LIN54: variants seen among roughly 807,000 people sequenced by gnomAD.
LIN54 encodes lin-54 DREAM MuvB core complex component, also known as protein lin-54 homolog.
In LIN54, 9 loss-of-function variants were observed where a neutral mutation model predicts 78.7. The observed-to-expected ratio is 0.11, with a 90% confidence interval of 0.07 to 0.20. The LOEUF (loss-of-function observed/expected upper bound fraction) is 0.20, where lower values mean the gene tolerates loss of function less well. Among genes scored for constraint, LIN54 ranks in the 10% least tolerant of loss-of-function variants. The pLI is 1.00. For missense variants in LIN54, 573 were observed against 889.9 expected, an observed-to-expected ratio of 0.64 and a Z score of 4.53; for synonymous variants, 269 against 318.4, an observed-to-expected ratio of 0.84 and a Z score of 1.65.
chr4:82,928,256 T>A lies in LIN54; in HGVS notation c.2096A>T (p.Asn699Ile). 6.2e-7 allele frequency: 1 copy of A among 1,614,248 alleles called. No homozygotes were observed. The highest frequency in any genetic ancestry group is 1.1e-5 in the South Asian group (1 of 91,090). ...VTKEVAEATC[N>I]CLLAQAEQAD... ...CTGCTCTGCCTGGGCAAGGAGGCAA[T>A]TACATGTGGCTTCAGCTACTTCCTT... The change falls in exon 13 of 13, where the codon AAT (asparagine) becomes ATT (isoleucine). Residue 699 changes from asparagine (N) to isoleucine (I), a missense_variant. By Grantham distance (149) the Asn-to-Ile change is moderately radical (BLOSUM62 -3). Coordinates refer to ENST00000340417, the MANE Select transcript of LIN54 (RefSeq NM_194282.4).
intron 1 of LIN54, among the ~76,000 whole-genome samples, chr4:83,007,256 A>G (rs1729477923): frequency 6.6e-6 from 1 of 152,204 alleles, no homozygotes; most frequent in Non-Finnish European, 1.5e-5. Context: ...AGGGTTATGT[A>G]CCAAGGGATA....
chr4:82,980,681 C>T (rs1169179842), intron 2 of LIN54, among the ~76,000 whole-genome samples: 2 of 151,916 alleles, frequency 1.3e-5, no homozygotes, highest in African/African-American at 4.8e-5. Context: ...TAGAGAAATA[C>T]AAATTTCTCA....
Position 82,939,979 on chromosome 4 carries a change from A to C in LIN54, c.1169-17T>G, listed in dbSNP as rs766165569. ...CTGGCTTTGCTTTTTAAAAAACAAA[A>C]GAAGGATGAACAAGTTATTTACAGA... On this transcript the variant is annotated splice_polypyrimidine_tract_variant and intron_variant, in intron 5 of 12. Coordinates refer to ENST00000340417, the MANE Select transcript of LIN54 (RefSeq NM_194282.4). 1 of 1,555,552 alleles carries C rather than the reference A, an allele frequency of 6.4e-7. No homozygotes were observed. The highest frequency in any genetic ancestry group is 2.2e-5 in the East Asian group (1 of 44,544).
chr4:82,928,399 C>G, intron 12 of LIN54, 96 bp from the exon 13 acceptor site: 4 of 915,554 alleles, frequency 4.4e-6, no homozygotes, highest in East Asian at 2.5e-5. Context: ...CTGACACTTT[C>G]ACAATTCACC....
chr4:83,012,930 C>A, upstream of LIN54: 2 of 152,714 alleles, frequency 1.3e-5, no homozygotes, highest in South Asian at 3.7e-4. Flanking sequence ...CCGCCGCATC[C>A]CATAATACGC....
rs553196511 is a variant in LIN54, at chr4:82,926,214, AAAGTTT to A, written c.*1882_*1887del. The stretch of plus-strand genomic sequence containing the variant: ...AACACAGAGTATGTACAAAATGAAC[AAAGTTT>A]AAGTTTAGACCAAAAACTTATTGCA... On this transcript the variant is annotated 3_prime_UTR_variant, in exon 13 of 13. Coordinates refer to ENST00000340417, the MANE Select transcript of LIN54 (RefSeq NM_194282.4). 3 of 152,626 alleles carry A rather than the reference AAAGTTT, an allele frequency of 2.0e-5. No homozygotes were observed. The highest frequency in any genetic ancestry group is 6.5e-5 in the Admixed American group (1 of 15,286). The allele number at this position is 152,626 out of a possible 1,614,324, so 9.5% of individuals were successfully genotyped here.
chr4:82,937,059 AAAT>A (rs3972412), intron 9 of LIN54, among the ~76,000 whole-genome samples, 165 bp downstream of exon 9: 26,933 of 152,118 alleles, frequency 0.18, 2,562 homozygotes, highest in South Asian at 0.32. Context: ...TAGATGAATG[AAAT>A]AATATTTTTA....
chr4:83,002,448 G>A (rs1728940701), intron 1 of LIN54, among the ~76,000 whole-genome samples: 1 of 147,354 alleles, frequency 6.8e-6, no homozygotes, highest in Non-Finnish European at 1.5e-5. Context: ...AGGGAGGAGG[G>A]GAGGGAAGGA....
At chr4:82,996,949 T>C (rs1208343476) in intron 1 of LIN54, among the ~76,000 whole-genome samples, 1 of 152,062 alleles carries the variant, frequency 6.6e-6, no homozygotes, top group Non-Finnish European at 1.5e-5. Flanking sequence ...TCTATCCCAT[T>C]ACCCTGGCAT....
upstream of LIN54, among the ~76,000 whole-genome samples, chr4:83,011,284 C>T (rs955081020): frequency 9.2e-5 from 14 of 152,306 alleles, no homozygotes; most frequent in African/African-American, 3.4e-4. Context: ...TATGCATGTT[C>T]GACCTTTGAC....
In LIN54 at chr4:82,936,265, TA is replaced by T. The variant is rs771749201; in HGVS notation, c.1707+13del. On this transcript the variant is annotated intron_variant, in intron 10 of 12. Transcript: ENST00000340417. ...GGATATTTCTGTCAGTTAAATGAAA[TA>T]AAAAATAATCACCTTTATTGCTTTT... 1.3e-6 allele frequency: 2 copies of T among 1,531,028 alleles called. No individual in the cohort carries two copies. Among genetic ancestry groups the T allele is most frequent in the East Asian group, 2.3e-5 (1 of 43,382 alleles). 94.8% of individuals were successfully genotyped at this position (1,531,028 alleles called of 1,614,324 possible).
rs1212909410 is a variant in LIN54, at chr4:82,925,465, G to C, written c.*2637C>G. ...CCCGCCTTGACCTCCCAAAGTGCTGGAATTACAGGCGTGAGCCACCATGCC... is the reference window on the plus strand; with the variant it reads ...CCCGCCTTGACCTCCCAAAGTGCTGCAATTACAGGCGTGAGCCACCATGCC... On this transcript the variant is annotated 3_prime_UTR_variant, in exon 13 of 13. Coordinates refer to ENST00000340417, the MANE Select transcript of LIN54 (RefSeq NM_194282.4). 1 of 152,492 alleles carries C rather than the reference G, an allele frequency of 6.6e-6. No homozygotes were observed. The highest frequency in any genetic ancestry group is 2.4e-5 in the African/African-American group (1 of 41,442). 9.4% of individuals were successfully genotyped at this position (152,492 alleles called of 1,614,324 possible). A position where few individuals can be genotyped will look rare whatever the true frequency, so the allele number is the denominator to read the frequency against.
At chr4:82,968,215 T>A (rs1026710230) in intron 4 of LIN54, among the ~76,000 whole-genome samples, 1 of 152,106 alleles carries the variant, frequency 6.6e-6, no homozygotes, top group African/African-American at 2.4e-5. Context: ...GCTAATTTTG[T>A]ATTTTTTTTG....
At chr4:82,929,587 C>T (rs1051414768) in intron 12 of LIN54, among the ~76,000 whole-genome samples, 2 of 152,014 alleles carry the variant, frequency 1.3e-5, no homozygotes, top group Non-Finnish European at 2.9e-5. Flanking sequence ...GGCAGATCAC[C>T]TGAGGTCAGG....
chr4:83,001,205 C>A (rs1040193645), intron 1 of LIN54, among the ~76,000 whole-genome samples: 1 of 152,054 alleles, frequency 6.6e-6, no homozygotes, highest in African/African-American at 2.4e-5. Context: ...TGAAGAAAAT[C>A]ATGAAATAAA....
rs1429095967 is a variant in LIN54, at chr4:82,928,050, C to T, written c.*52G>A. 1.4e-6 allele frequency: 2 copies of T among 1,480,910 alleles called. No homozygotes were observed. The highest frequency in any genetic ancestry group is 3.4e-5 in the Admixed American group (2 of 59,672). The allele number at this position is 1,480,910 out of a possible 1,614,324, so 91.7% of individuals were successfully genotyped here. A position where few individuals can be genotyped will look rare whatever the true frequency, so the allele number is the denominator to read the frequency against. ...TTTTCTTCCAGAAAATCAAGTGTCC[C>T]TGCACCTTAAATTTTCTGTACAGTT... On this transcript the variant is annotated 3_prime_UTR_variant, in exon 13 of 13. Coordinates refer to ENST00000340417, the MANE Select transcript of LIN54 (RefSeq NM_194282.4).
rs1309320431 is a variant in LIN54 at position 82,924,850 on chromosome 4, G to T, written c.*3252C>A. On this transcript the variant is annotated 3_prime_UTR_variant, in exon 13 of 13. Transcript: ENST00000340417. The stretch of plus-strand genomic sequence containing the variant: ...CCACACCAGAATTCCTATATAAAAT[G>T]CTTAAGAGATACAACATGATCAAAG... 6.6e-6 allele frequency: 1 copy of T among 152,574 alleles called. No individual in the cohort carries two copies. The highest frequency in any genetic ancestry group is 1.5e-5 in the Non-Finnish European group (1 of 68,026). 9.5% of individuals were successfully genotyped at this position (152,574 alleles called of 1,614,324 possible). A position where few individuals can be genotyped will look rare whatever the true frequency, so the allele number is the denominator to read the frequency against.
At chr4:82,941,149 G>GATATATATATATATATATATATATAT (rs3081913) in intron 5 of LIN54, among the ~76,000 whole-genome samples, 13 of 131,130 alleles carry the variant, frequency 9.9e-5, no homozygotes, top group East Asian at 4.9e-4. Context: ...GAGTTAAGAG[G>GATATATATATATATATATATATATAT]ATATATATAT....
In LIN54 at chr4:83,001,110, G is replaced by C. The variant is rs114825404; in HGVS notation, c.-33+9374C>G. On this transcript the variant is annotated intron_variant, in intron 1 of 12. Transcript: ENST00000340417. The stretch of plus-strand genomic sequence containing the variant: ...TGGGATTATAGGCATGAGCCACCAA[G>C]CCCAGCCCAAAAGCAATAAATTCTT... Among the ~76,000 whole-genome samples the C allele has an allele frequency of 4.7e-3, 710 of 152,136 alleles. 2 individuals carry two copies. Among genetic ancestry groups the C allele is most frequent in the Non-Finnish European group, 8.0e-3 (541 of 68,006 alleles).
Sources: gnomAD v4.1 joint callset for allele counts (sites outside exome capture counted in the v4.1 genomes callset) on GRCh38, gnomAD v4.1.1 for gene constraint, MANE v1.5 for transcripts, NCBI Gene and HGNC (gene_info 2026-07-23, HGNC 2026-07-21) for gene names.